ESYT2: variants seen among roughly 807,000 people sequenced by gnomAD.
ESYT2 encodes the protein extended synaptotagmin-2.
ESYT2 carries 54 observed loss-of-function variants against 107.2 expected under a neutral mutation model. The ratio of observed to expected loss-of-function variants is 0.50; its 90% confidence interval spans 0.40 to 0.63. The LOEUF is 0.63. Among genes scored for constraint, ESYT2 ranks in the 30% least tolerant of loss-of-function variants. The pLI, the probability that ESYT2 is intolerant of heterozygous loss-of-function variation, is 0.00. For missense variants in ESYT2, 1,020 were observed against 1,094.5 expected (o/e 0.93, Z 0.96); for synonymous variants, 491 against 434.1 (o/e 1.13, Z -1.63).
chr7:158,752,037 C>T lies in ESYT2; in HGVS notation c.1482+744G>A, dbSNP rs559953349. 1.7e-3 allele frequency among the ~76,000 whole-genome samples: 265 copies of T among 152,280 alleles called. 2 individuals are homozygous for T. The highest frequency in any genetic ancestry group is 0.011 in the South Asian group (52 of 4,826). ...TCTCCTGCACTTTTGAAATCTAACT[C>T]ATTTTTTCCAGATGAGACTGGTTAA... On this transcript the variant is annotated intron_variant, in intron 14 of 22. Transcript: ENST00000275418.
In ESYT2 at chr7:158,829,492, C is replaced by G; in HGVS notation, c.-74G>C. ...CGCGCTGATCCCGGGCGGCTCAGCC[C>G]CGCGCCAGCGCCCCTCTGAGGGGAC... On this transcript the variant is annotated 5_prime_UTR_variant, in exon 1 of 23. Transcript: ENST00000275418. 8.1e-7 allele frequency: 1 copy of G among 1,235,920 alleles called. No individual in the cohort carries two copies. The highest frequency in any genetic ancestry group is 1.0e-6 in the Non-Finnish European group (1 of 989,534). 76.6% of individuals were successfully genotyped at this position (1,235,920 alleles called of 1,614,324 possible). A position where few individuals can be genotyped will look rare whatever the true frequency, so the allele number is the denominator to read the frequency against.
intron 18 of ESYT2, among the ~76,000 whole-genome samples, chr7:158,740,167 G>A (rs564636922): frequency 3.8e-4 from 58 of 152,314 alleles, no homozygotes; most frequent in East Asian, 3.9e-4. Flanking sequence ...CCCTGACCAC[G>A]GACTGCTGCT....
At chr7:158,825,506 T>G (rs577420627) in intron 1 of ESYT2, among the ~76,000 whole-genome samples, 6 of 152,340 alleles carry the variant, frequency 3.9e-5, no homozygotes, top group African/African-American at 1.2e-4. Flanking sequence ...ACTGTTTATA[T>G]TAAAGCTGTA....
intron 1 of ESYT2, among the ~76,000 whole-genome samples, chr7:158,811,503 A>G (rs1161780828): frequency 6.6e-6 from 1 of 152,254 alleles, no homozygotes; most frequent in Non-Finnish European, 1.5e-5. Flanking sequence ...CAGAACTGAA[A>G]TATTTGGTGA....
At chr7:158,788,927 T>C (rs191463031) in intron 4 of ESYT2, among the ~76,000 whole-genome samples, 248 of 152,344 alleles carry the variant, frequency 1.6e-3, no homozygotes, top group Non-Finnish European at 2.9e-3. Flanking sequence ...GTGTATCTGT[T>C]TGGGGCCTCA....
At chr7:158,778,008 G>A (rs879439679) in intron 6 of ESYT2, among the ~76,000 whole-genome samples, 5 of 152,236 alleles carry the variant, frequency 3.3e-5, no homozygotes, top group South Asian at 2.1e-4. Flanking sequence ...TCTACGAAGC[G>A]CAATAAAGCA....
intron 7 of ESYT2, 33 bp downstream of exon 7, chr7:158,773,308 C>CG (rs1273610589): frequency 1.2e-6 from 2 of 1,613,132 alleles, no homozygotes. Flanking sequence ...CGCCCTCGAA[C>CG]GCTAAGCCTC....
intron 19 of ESYT2, among the ~76,000 whole-genome samples, chr7:158,738,327 AT>A (rs768708036): frequency 0.16 from 17,157 of 104,630 alleles, 1,893 homozygotes; most frequent in East Asian, 0.38. Flanking sequence ...AAAAAAAAAA[AT>A]ACACACACAC....
chr7:158,755,097 C>T (rs1280747054), intron 13 of ESYT2, among the ~76,000 whole-genome samples: 2 of 152,182 alleles, frequency 1.3e-5, no homozygotes, highest in Non-Finnish European at 2.9e-5. Flanking sequence ...CGTTTCCAGC[C>T]TACGAAAAAT....
At chr7:158,755,042 A>T (rs1837704736) in intron 13 of ESYT2, among the ~76,000 whole-genome samples, 1 of 152,196 alleles carries the variant, frequency 6.6e-6, no homozygotes, top group Admixed American at 6.5e-5. Flanking sequence ...GAATTTCATC[A>T]AAAGAAGGAG....
chr7:158,759,674 T>A, intron 12 of ESYT2, 93 bp from the exon 13 acceptor site: 1 of 1,065,800 alleles, frequency 9.4e-7, no homozygotes, highest in African/African-American at 1.6e-5. Flanking sequence ...ACGCTAAAAA[T>A]AAGAAAGGTG....
Position 158,829,293 on chromosome 7 carries a change from C to T in ESYT2, c.126G>A (p.Arg42=). ...ACACGGGCAGCAGCAGCGCGAAGCT[C>T]CGCGCCAGCTGCGCCAGCAGCCCGG... The part of the protein sequence containing the change: ...ELPGLLAQLA[R]SFALLLPVYA... Residue 42 remains arginine (R), a synonymous_variant, in exon 1 of 23, where the codon CGG becomes CGA. Coordinates refer to ENST00000275418, the MANE Select transcript of ESYT2 (RefSeq NM_001367773.1). The T allele has an allele frequency of 1.3e-6, 2 of 1,510,296 alleles. No homozygotes were observed. The highest frequency in any genetic ancestry group is 1.8e-6 in the Non-Finnish European group (2 of 1,138,054). The allele number at this position is 1,510,296 out of a possible 1,614,324, so 93.6% of individuals were successfully genotyped here.
chr7:158,775,284 T>C (rs2129472651), intron 6 of ESYT2, among the ~76,000 whole-genome samples: 1 of 152,360 alleles, frequency 6.6e-6, no homozygotes, highest in African/African-American at 2.4e-5. Flanking sequence ...GGTTGCTGAC[T>C]GACCGGGGTG....
chr7:158,782,311 TGA>T (rs1300455345), intron 6 of ESYT2, among the ~76,000 whole-genome samples: 5 of 147,634 alleles, frequency 3.4e-5, no homozygotes, highest in African/African-American at 5.0e-5. Context: ...TGAACAAGTG[TGA>T]GTGAACGAGT....
chr7:158,824,023 G>A (rs547550430), intron 1 of ESYT2, among the ~76,000 whole-genome samples: 1 of 152,268 alleles, frequency 6.6e-6, no homozygotes, highest in African/African-American at 2.4e-5. Context: ...ACAGGCTGAT[G>A]GATTGCATAT....
At chr7:158,803,739 CTGAGAAAGGTGAGG>C (rs1839714188) in intron 1 of ESYT2, among the ~76,000 whole-genome samples, 1 of 152,064 alleles carries the variant, frequency 6.6e-6, no homozygotes. Flanking sequence ...TTGGGGACTG[CTGAGAAAGGTGAGG>C]CGCGCGACAA....
Position 158,829,465 on chromosome 7 carries a change from C to T in ESYT2, c.-47G>A. ...CCTCCCGGCCGAGGCGGGCTGGGTG[C>T]TCGCGCTGATCCCGGGCGGCTCAGC... On this transcript the variant is annotated 5_prime_UTR_variant, in exon 1 of 23. Transcript: ENST00000275418. 2 of 1,206,860 alleles carry T rather than the reference C, an allele frequency of 1.7e-6. No individual in the cohort carries two copies. The highest frequency in any genetic ancestry group is 2.1e-6 in the Non-Finnish European group (2 of 973,150). 74.8% of individuals were successfully genotyped at this position (1,206,860 alleles called of 1,614,324 possible). A position where few individuals can be genotyped will look rare whatever the true frequency, so the allele number is the denominator to read the frequency against.
chr7:158,737,018 G>A (rs368810393), intron 20 of ESYT2, 30 bp downstream of exon 20: 3 of 1,610,502 alleles, frequency 1.9e-6, no homozygotes, highest in Non-Finnish European at 2.5e-6. Flanking sequence ...CAACCGGGCA[G>A]TCTATCCTCA....
chr7:158,782,956 C>G (rs1838969558), intron 6 of ESYT2, among the ~76,000 whole-genome samples: 1 of 152,188 alleles, frequency 6.6e-6, no homozygotes, highest in Admixed American at 6.5e-5. Flanking sequence ...GAGAAGCCAC[C>G]AGCAGGGCCC....
Sources: allele counts gnomAD v4.1 joint callset (sites outside exome capture counted in the v4.1 genomes callset), GRCh38; gene constraint gnomAD v4.1.1; transcripts MANE v1.5; gene names NCBI Gene and HGNC (gene_info 2026-07-23, HGNC 2026-07-21).